MGAT4C: variants seen among roughly 807,000 people sequenced by gnomAD.
MGAT4C encodes MGAT4 family member C.
A neutral mutation model predicts 40.1 loss-of-function variants in MGAT4C; 19 were observed. The ratio of observed to expected loss-of-function variants is 0.47; its 90% CI spans 0.33 to 0.70. The LOEUF (loss-of-function observed/expected upper bound fraction) is 0.70, where lower values mean the gene tolerates loss of function less well. Among genes scored for constraint, MGAT4C ranks in the 30% least tolerant of loss-of-function variants. MGAT4C has a pLI of 0.02. For synonymous variants in MGAT4C, 181 were observed against 187.1 expected (o/e 0.97, Z 0.27); for missense variants, 491 against 563.2 (o/e 0.87, Z 1.30).
At chr12:86,628,003 G>T (rs1962877626) in intron 2 of MGAT4C, among the ~76,000 whole-genome samples, 1 of 150,884 alleles carries the variant, frequency 6.6e-6, no homozygotes, top group Non-Finnish European at 1.5e-5. Flanking sequence ...CTTGAAAAAA[G>T]ATTAGATGTA....
At chr12:86,652,064 CATA>C (rs1258712826) in intron 2 of MGAT4C, among the ~76,000 whole-genome samples, 3 of 151,800 alleles carry the variant, frequency 2.0e-5, no homozygotes, top group African/African-American at 7.2e-5. Context: ...GTCATAACTT[CATA>C]ATAAGTAGTT....
intron 2 of MGAT4C, among the ~76,000 whole-genome samples, chr12:86,713,298 G>A (rs1048237261): frequency 2.0e-5 from 3 of 152,024 alleles, no homozygotes; most frequent in Non-Finnish European, 4.4e-5. Context: ...TGTTGATTTT[G>A]ATGAATTGGT....
chr12:86,421,159 T>C (rs1196199394), intron 3 of MGAT4C, among the ~76,000 whole-genome samples: 2 of 152,096 alleles, frequency 1.3e-5, no homozygotes, highest in Non-Finnish European at 2.9e-5. Context: ...TTGCTGACTT[T>C]TGAATGTCTC....
At chr12:86,210,359 A>G (rs531201641) in intron 1 of MGAT4C, among the ~76,000 whole-genome samples, 3 of 152,230 alleles carry the variant, frequency 2.0e-5, no homozygotes, top group African/African-American at 7.2e-5. Context: ...TGAAGTAAAC[A>G]AAAGTGTGCA....
At chr12:86,584,770 A>G (rs1344416516) in intron 2 of MGAT4C, among the ~76,000 whole-genome samples, 1 of 151,372 alleles carries the variant, frequency 6.6e-6, no homozygotes, top group African/African-American at 2.4e-5. Flanking sequence ...AACACTGAAT[A>G]TCATCAATCT....
At chr12:86,011,505 C>G (rs919363822) in intron 2 of MGAT4C, among the ~76,000 whole-genome samples, 1 of 152,092 alleles carries the variant, frequency 6.6e-6, no homozygotes, top group Admixed American at 6.5e-5. Context: ...TGACCATCAA[C>G]CAGTATAATT....
intron 2 of MGAT4C, among the ~76,000 whole-genome samples, chr12:86,039,286 T>C (rs1343278807): frequency 1.3e-5 from 2 of 152,226 alleles, no homozygotes; most frequent in Non-Finnish European, 2.9e-5. Context: ...GTTGGGGAAG[T>C]TCTCCTGGAT....
intron 1 of MGAT4C, among the ~76,000 whole-genome samples, chr12:86,093,296 T>A (rs1242918646): frequency 6.6e-6 from 1 of 152,202 alleles, no homozygotes; most frequent in Non-Finnish European, 1.5e-5. Context: ...AAAGTTCTCA[T>A]ATTTTTAAAA....
At chr12:86,669,325 G>A (rs991764275) in intron 2 of MGAT4C, among the ~76,000 whole-genome samples, 1 of 152,094 alleles carries the variant, frequency 6.6e-6, no homozygotes, top group Non-Finnish European at 1.5e-5. Context: ...AGGTGCAGGG[G>A]GCCCTCTCTG....
At chr12:86,514,855 A>G in intron 2 of MGAT4C, among the ~76,000 whole-genome samples, 1 of 152,240 alleles carries the variant, frequency 6.6e-6, no homozygotes, top group Non-Finnish European at 1.5e-5. Flanking sequence ...CTAATACCTC[A>G]TCATAATCTC....
At chr12:86,610,546 G>GT (rs905324296) in intron 2 of MGAT4C, among the ~76,000 whole-genome samples, 2 of 57,596 alleles carry the variant, frequency 3.5e-5, no homozygotes, top group East Asian at 5.6e-4. Flanking sequence ...AAGGGCAACA[G>GT]TTTTTTTGTT....
At chr12:85,980,998 C>G (rs1411017831) in intron 4 of MGAT4C, among the ~76,000 whole-genome samples, 1 of 151,908 alleles carries the variant, frequency 6.6e-6, no homozygotes, top group Non-Finnish European at 1.5e-5. Flanking sequence ...TTATGTTGTA[C>G]TAGAATTCGT....
chr12:86,700,070 T>TAGATAA (rs1565933976), intron 2 of MGAT4C, among the ~76,000 whole-genome samples: 3 of 149,926 alleles, frequency 2.0e-5, no homozygotes, highest in Admixed American at 6.7e-5. Flanking sequence ...ATAGATAAGA[T>TAGATAA]AGATAGATAA....
intron 2 of MGAT4C, among the ~76,000 whole-genome samples, chr12:86,711,162 G>A (rs1199724910): frequency 6.6e-6 from 1 of 151,890 alleles, no homozygotes; most frequent in Non-Finnish European, 1.5e-5. Context: ...CAAAACCCAC[G>A]TGTACCCCCC....
chr12:86,684,981 A>T (rs982825736), intron 2 of MGAT4C, among the ~76,000 whole-genome samples: 2 of 151,960 alleles, frequency 1.3e-5, no homozygotes, highest in African/African-American at 2.4e-5. Flanking sequence ...CCTATTCTGT[A>T]TGTTGCCTGT....
chr12:86,665,447 G>T (rs1361883537), intron 2 of MGAT4C, among the ~76,000 whole-genome samples: 1 of 151,898 alleles, frequency 6.6e-6, no homozygotes, highest in Non-Finnish European at 1.5e-5. Context: ...CGTGATCTCG[G>T]CTCACTGCAA....
At chr12:86,312,068 T>G (rs976761757) in intron 4 of MGAT4C, among the ~76,000 whole-genome samples, 1 of 152,134 alleles carries the variant, frequency 6.6e-6, no homozygotes, top group Non-Finnish European at 1.5e-5. Flanking sequence ...GTGGGTTTTG[T>G]TTTGTTTTGT....
chr12:86,833,168 A>T (rs563514707), intron 1 of MGAT4C, among the ~76,000 whole-genome samples: 1 of 151,818 alleles, frequency 6.6e-6, no homozygotes, highest in East Asian at 1.9e-4. Context: ...CAAAGTAGGA[A>T]ATTTGATCAA....
At chr12:86,074,025 C>T (rs551346346) in intron 1 of MGAT4C, among the ~76,000 whole-genome samples, 34 of 152,060 alleles carry the variant, frequency 2.2e-4, no homozygotes, top group African/African-American at 7.7e-4. Flanking sequence ...TGGGAGGGAT[C>T]GGGGGAGGTA....
Sources: gnomAD v4.1 joint callset for allele counts (sites outside exome capture counted in the v4.1 genomes callset) on GRCh38, gnomAD v4.1.1 for gene constraint, MANE v1.5 for transcripts, NCBI Gene and HGNC (gene_info 2026-07-23, HGNC 2026-07-21) for gene names.